Variants in ESR1 observed in about 807,000 individuals in gnomAD.
The protein encoded by ESR1 is estrogen receptor 1, also known as estrogen receptor.
A neutral mutation model predicts 52.7 loss-of-function variants in ESR1; 12 were observed. The observed-to-expected ratio is 0.23, with a 90% CI of 0.15 to 0.37. ESR1 has a LOEUF of 0.37. Ranked by LOEUF, ESR1 falls within the 10% of genes least tolerant of loss-of-function variation. ESR1 has a pLI of 1.00. For missense variants in ESR1, 584 were observed against 779.7 expected, an observed-to-expected ratio of 0.75 and a Z score of 2.99; for synonymous variants, 305 against 316.8, an observed-to-expected ratio of 0.96 and a Z score of 0.39.
Position 152,024,988 on chromosome 6 carries a change from A to G in ESR1, c.1235+13194A>G, listed in dbSNP as rs978280851. On this transcript the variant is annotated intron_variant, in intron 5 of 7. Transcript: ENST00000206249. ...GTGTCTAAAAGATTTTTTCTTAGCT[A>G]GTGGCATTGGATGACACCTATAATG... Among the ~76,000 whole-genome samples the G allele has an allele frequency of 7.3e-5, 11 of 151,630 alleles. No individual in the cohort carries two copies. In the South Asian group the frequency reaches 1.4e-3, roughly 20 times the overall value.
At chr6:151,824,332 T>C (rs1377911065) in intron 1 of ESR1, among the ~76,000 whole-genome samples, 1 of 152,260 alleles carries the variant, frequency 6.6e-6, no homozygotes, top group East Asian at 1.9e-4. Context: ...GTTTTTTTTC[T>C]TGTAAATTTG....
rs1784013342 is a variant in ESR1 at position 151,753,031 on chromosome 6, C to T, written c.-71+51026C>T. On this transcript the variant is annotated intron_variant, in intron 2 of 2. Transcript: ENST00000404742. ...TAGTAACTTTTATTTGCTGATCATA[C>T]TCTGAGATTCACCATAACGAATAAA... 2.0e-5 allele frequency among the ~76,000 whole-genome samples: 3 copies of T among 152,144 alleles called. No individual in the cohort carries two copies. In the South Asian group the frequency reaches 6.2e-4, roughly 31 times the overall value.
At chr6:151,941,900 G>A (rs1479404735) in intron 3 of ESR1, among the ~76,000 whole-genome samples, 1 of 152,138 alleles carries the variant, frequency 6.6e-6, no homozygotes, top group Non-Finnish European at 1.5e-5. Context: ...ACCCATCTAC[G>A]GGAGATGCTC....
intron 1 of ESR1, among the ~76,000 whole-genome samples, chr6:151,668,957 G>A (rs1245597756): frequency 2.6e-5 from 4 of 151,898 alleles, no homozygotes; most frequent in Non-Finnish European, 1.5e-5. Context: ...AATAGTGAGG[G>A]TTCATGTCAG....
At chr6:151,991,491 G>A (rs2041011425) in intron 4 of ESR1, among the ~76,000 whole-genome samples, 1 of 151,968 alleles carries the variant, frequency 6.6e-6, no homozygotes, top group Admixed American at 6.6e-5. Flanking sequence ...TACGGTTGAA[G>A]GAAAATTAGA....
chr6:152,039,408 C>T (rs1356680337), intron 5 of ESR1, among the ~76,000 whole-genome samples: 1 of 152,126 alleles, frequency 6.6e-6, no homozygotes, highest in Non-Finnish European at 1.5e-5. Context: ...AGTCAGTCAC[C>T]CCAGCCAACA....
At chr6:151,989,228 C>T (rs575158038) in intron 4 of ESR1, among the ~76,000 whole-genome samples, 2 of 152,248 alleles carry the variant, frequency 1.3e-5, no homozygotes, top group African/African-American at 4.8e-5. Flanking sequence ...GCAGACCCAA[C>T]ATCAACAGCA....
chr6:152,030,359 C>T (rs1210971340), intron 5 of ESR1, among the ~76,000 whole-genome samples: 1 of 152,000 alleles, frequency 6.6e-6, no homozygotes, highest in Non-Finnish European at 1.5e-5. Context: ...GATAAAGAGT[C>T]AAGACCCATC....
At chr6:152,085,229 G>A (rs1253838080) in intron 6 of ESR1, among the ~76,000 whole-genome samples, 1 of 152,048 alleles carries the variant, frequency 6.6e-6, no homozygotes, top group African/African-American at 2.4e-5. Context: ...CTTGAGCGCA[G>A]GAGTTTGAGG....
chr6:151,933,913 C>T (rs1444560094), intron 3 of ESR1, among the ~76,000 whole-genome samples: 1 of 152,180 alleles, frequency 6.6e-6, no homozygotes, highest in Non-Finnish European at 1.5e-5. Context: ...GGCTTCCTAA[C>T]TTATTTTGTA....
At chr6:151,853,169 CAAAAAAAAA>C (rs386408969) in intron 2 of ESR1, among the ~76,000 whole-genome samples, 6 of 42,880 alleles carry the variant, frequency 1.4e-4, no homozygotes, top group Non-Finnish European at 2.4e-4. Flanking sequence ...AGACTCGTCT[CAAAAAAAAA>C]AAAAAAAAAA....
In ESR1 at chr6:151,944,488, A is replaced by G. The variant is rs200960801; in HGVS notation, c.1076A>G (p.Asn359Ser). 3 of 1,614,232 alleles carry G rather than the reference A, an allele frequency of 1.9e-6. No homozygotes were observed. The highest frequency in any genetic ancestry group is 1.3e-5 in the African/African-American group (1 of 75,070). The change falls in exon 4 of 8, where the codon AAC becomes AGC. Residue 359 changes from asparagine to serine, a missense_variant. Coordinates refer to ENST00000206249, the MANE Select transcript of ESR1 (RefSeq NM_000125.4). ...GACAGGGAGCTGGTTCACATGATCA[A>G]CTGGGCGAAGAGGGTGCCAGGTAAG... ...LADRELVHMI[N>S]WAKRVPGFVD...
At chr6:151,970,962 T>C (rs2038847340) in intron 4 of ESR1, among the ~76,000 whole-genome samples, 1 of 152,204 alleles carries the variant, frequency 6.6e-6, no homozygotes, top group Admixed American at 6.5e-5. Flanking sequence ...ATCTTTACTC[T>C]GTTATATTTC....
intron 4 of ESR1, among the ~76,000 whole-genome samples, chr6:151,994,402 A>G (rs2128723455): frequency 1.3e-5 from 2 of 152,348 alleles, no homozygotes; most frequent in East Asian, 1.9e-4. Context: ...ATTTGCAGTA[A>G]ACTGTCCAAA....
intron 3 of ESR1, among the ~76,000 whole-genome samples, chr6:151,895,138 T>C (rs1392223812): frequency 6.6e-6 from 1 of 151,132 alleles, no homozygotes; most frequent in African/African-American, 2.4e-5. Flanking sequence ...TTTTGGTTTT[T>C]TTTTTTTTTT....
At position 151,669,191 on chromosome 6, in the gene ESR1, G is replaced by GAGAGAGAGAGA. The variant is rs1562319599; in HGVS notation, n.73+12428_73+12429insAGAGAGAGAGA. Among the ~76,000 whole-genome samples the GAGAGAGAGAGA allele has an allele frequency of 1.9e-4, 7 of 37,694 alleles. 1 individual carries two copies. The highest frequency in any genetic ancestry group is 3.2e-4 in the Non-Finnish European group (6 of 18,652). 24.7% of individuals were successfully genotyped at this position (37,694 alleles called of 152,430 possible). A position where few individuals can be genotyped will look rare whatever the true frequency, so the allele number is the denominator to read the frequency against. On this transcript the variant is annotated intron_variant and non_coding_transcript_variant, in intron 1 of 2. Coordinates refer to the ESR1 transcript ENST00000473497. ...GAGAGAGAGAGAGAGAGAGAGAGAT[G>GAGAGAGAGAGA]GGAATCCAGGGGAGAACAGAACAAG... is the stretch of plus-strand genomic sequence containing the variant.
intron 2 of ESR1, among the ~76,000 whole-genome samples, chr6:151,749,027 A>T (rs906556109): frequency 6.6e-6 from 1 of 152,166 alleles, no homozygotes; most frequent in African/African-American, 2.4e-5. Context: ...CTTACAAGTA[A>T]TATATAGTCT....
chr6:151,850,088 A>ATTATTT, intron 2 of ESR1, among the ~76,000 whole-genome samples: 1 of 33,030 alleles, frequency 3.0e-5, no homozygotes, highest in Non-Finnish European at 5.1e-5. Flanking sequence ...AATTATATAT[A>ATTATTT]TATAATTTTA....
rs189855295 is a variant in ESR1 at position 151,986,628 on chromosome 6, T to A, written c.1097-25028T>A. Among the ~76,000 whole-genome samples, 92 of 152,282 alleles carry A rather than the reference T, an allele frequency of 6.0e-4. 1 individual carries two copies. The highest frequency in any genetic ancestry group is 2.1e-3 in the African/African-American group (86 of 41,524). ...AGGTATGTGCATGAGGCAAAATAATTCAAGTGCAGTTGGATATTAAATGAA... is the reference window on the plus strand; with the variant it reads ...AGGTATGTGCATGAGGCAAAATAATACAAGTGCAGTTGGATATTAAATGAA... On this transcript the variant is annotated intron_variant, in intron 4 of 7. Coordinates refer to ENST00000206249, the MANE Select transcript of ESR1 (RefSeq NM_000125.4).
Sources: gnomAD v4.1 joint callset for allele counts (sites outside exome capture counted in the v4.1 genomes callset) on GRCh38, gnomAD v4.1.1 for gene constraint, MANE v1.5 for transcripts, NCBI Gene and HGNC (gene_info 2026-07-23, HGNC 2026-07-21) for gene names.